RPA3: variants seen among roughly 807,000 people sequenced by gnomAD.
The protein encoded by RPA3 is replication protein A 14 kDa subunit.
A neutral mutation model predicts 13.7 loss-of-function variants in RPA3; 24 were observed. That is an observed-to-expected ratio of 1.75 (90% CI 1.27 to 2.46). The LOEUF is 2.46. Ranked by LOEUF, RPA3 falls within the 30% of genes most tolerant of loss-of-function variation. RPA3 has a pLI of 0.00. For missense variants in RPA3, 183 were observed against 151.0 expected (o/e 1.21, Z -1.11); for synonymous variants, 59 against 51.2 (o/e 1.15, Z -0.65).
chr7:7,653,454 T>C (rs1239356031), intron 4 of RPA3, among the ~76,000 whole-genome samples: 1 of 152,212 alleles, frequency 6.6e-6, no homozygotes, highest in Non-Finnish European at 1.5e-5. Flanking sequence ...AGGATGCTAG[T>C]TAGCATCCTT....
intron 2 of RPA3, chr7:7,689,347 G>A (rs1010843190): frequency 9.9e-5 from 15 of 152,186 alleles, no homozygotes; most frequent in African/African-American, 3.1e-4. Flanking sequence ...GAGCTAGCTT[G>A]AGACAGAGGT....
At chr7:7,717,099 C>T (rs1780933716) in intron 1 of RPA3, among the ~76,000 whole-genome samples, 1 of 148,502 alleles carries the variant, frequency 6.7e-6, no homozygotes, top group African/African-American at 2.6e-5. Flanking sequence ...GTCTGTTGCC[C>T]AGGCTGGAGT....
chr7:7,717,958 C>T (rs1334292382), intron 1 of RPA3, among the ~76,000 whole-genome samples: 1 of 152,130 alleles, frequency 6.6e-6, no homozygotes, highest in Admixed American at 6.5e-5. Context: ...TCACAGAGTG[C>T]TGTAGATTCT....
intron 4 of RPA3, among the ~76,000 whole-genome samples, chr7:7,654,047 G>A (rs1785286129): frequency 6.6e-6 from 1 of 152,118 alleles, no homozygotes; most frequent in Admixed American, 6.6e-5. Context: ...TTCATATTGT[G>A]AATAAGAAGC....
chr7:7,699,369 A>C (rs1780401857), intron 2 of RPA3, among the ~76,000 whole-genome samples: 1 of 152,220 alleles, frequency 6.6e-6, no homozygotes, highest in Non-Finnish European at 1.5e-5. Flanking sequence ...TCAAGTTAAA[A>C]ATTTAATATC....
chr7:7,693,240 T>A (rs1484747694), intron 2 of RPA3, among the ~76,000 whole-genome samples: 1 of 152,188 alleles, frequency 6.6e-6, no homozygotes, highest in Non-Finnish European at 1.5e-5. Flanking sequence ...GTTTCCAGTA[T>A]ACAATTCACC....
At chr7:7,667,287 A>G (rs571563866) in intron 4 of RPA3, among the ~76,000 whole-genome samples, 1 of 152,306 alleles carries the variant, frequency 6.6e-6, no homozygotes, top group South Asian at 2.1e-4. Context: ...TGCTCATTGT[A>G]GACAATTGAA....
intron 2 of RPA3, among the ~76,000 whole-genome samples, chr7:7,699,109 C>T (rs1423004526): frequency 1.3e-5 from 2 of 151,722 alleles, no homozygotes; most frequent in African/African-American, 4.8e-5. Context: ...CCTGCCTTGG[C>T]TTCCAAAGTG....
At chr7:7,671,320 A>G in intron 4 of RPA3, among the ~76,000 whole-genome samples, 1 of 152,054 alleles carries the variant, frequency 6.6e-6, no homozygotes, top group Non-Finnish European at 1.5e-5. Flanking sequence ...TTATTTGAGG[A>G]TATCTTGGCT....
intron 4 of RPA3, among the ~76,000 whole-genome samples, chr7:7,650,636 A>G (rs1292706833): frequency 6.6e-6 from 1 of 152,240 alleles, no homozygotes; most frequent in Non-Finnish European, 1.5e-5. Flanking sequence ...GTTTATTACC[A>G]CAGTTAATAA....
chr7:7,696,029 A>T (rs1327374485), intron 2 of RPA3, among the ~76,000 whole-genome samples: 4 of 125,702 alleles, frequency 3.2e-5, no homozygotes, highest in East Asian at 2.6e-4. Flanking sequence ...TTTTTTTTTG[A>T]GATGGAGTCT....
intron 4 of RPA3, among the ~76,000 whole-genome samples, chr7:7,650,723 T>G (rs1399285507): frequency 1.3e-5 from 2 of 152,226 alleles, no homozygotes; most frequent in East Asian, 3.8e-4. Flanking sequence ...ATCCAGCCAT[T>G]CTGCATCCTG....
chr7:7,688,050 AG>A (rs1429052321), intron 2 of RPA3, among the ~76,000 whole-genome samples: 1 of 152,190 alleles, frequency 6.6e-6, no homozygotes, highest in Non-Finnish European at 1.5e-5. Context: ...TTGCTATGTT[AG>A]GGGTTCTTAA....
At chr7:7,648,680 A>G (rs1785151917) in intron 4 of RPA3, among the ~76,000 whole-genome samples, 1 of 151,434 alleles carries the variant, frequency 6.6e-6, no homozygotes. Flanking sequence ...GTGAAAGCCC[A>G]TCTCTACAAA....
At chr7:7,666,328 C>T (rs114369920) in intron 4 of RPA3, among the ~76,000 whole-genome samples, 395 of 151,996 alleles carry the variant, frequency 2.6e-3, no homozygotes, top group African/African-American at 9.1e-3. Context: ...TTCAGCCTGC[C>T]GAATAGCTGG....
chr7:7,643,399 T>C (rs1251205890), intron 4 of RPA3, among the ~76,000 whole-genome samples: 1 of 152,110 alleles, frequency 6.6e-6, no homozygotes, highest in African/African-American at 2.4e-5. Context: ...TCATGGGAAA[T>C]AGACAAGCTT....
chr7:7,656,539 T>C (rs1360815545), intron 4 of RPA3, among the ~76,000 whole-genome samples: 1 of 152,198 alleles, frequency 6.6e-6, no homozygotes, highest in Non-Finnish European at 1.5e-5. Flanking sequence ...ATTGCTCAAC[T>C]CCCACTTATA....
At chr7:7,670,464 G>A (rs1389655878) in intron 4 of RPA3, among the ~76,000 whole-genome samples, 2 of 152,178 alleles carry the variant, frequency 1.3e-5, no homozygotes, top group South Asian at 2.1e-4. Context: ...GTCCTATTAT[G>A]TCTCCATAAA....
chr7:7,648,385 T>C (rs1476536838), intron 4 of RPA3, among the ~76,000 whole-genome samples: 1 of 152,228 alleles, frequency 6.6e-6, no homozygotes, highest in Non-Finnish European at 1.5e-5. Context: ...TTAACTTTTT[T>C]TGTATTCTTA....
Sources: gnomAD v4.1 joint callset for allele counts (sites outside exome capture counted in the v4.1 genomes callset) on GRCh38, gnomAD v4.1.1 for gene constraint, MANE v1.5 for transcripts, NCBI Gene and HGNC (gene_info 2026-07-23, HGNC 2026-07-21) for gene names.